The following SDK1 variants were observed in gnomAD, a reference collection of about 807,000 sequenced individuals.
SDK1 encodes the protein protein sidekick-1.
A neutral mutation model predicts 245.5 loss-of-function variants in SDK1; 157 were observed. The observed-to-expected ratio is 0.64, with a 90% CI of 0.56 to 0.73. The LOEUF (loss-of-function observed/expected upper bound fraction) is 0.73. Among genes scored for constraint, SDK1 ranks in the 30% least tolerant of loss-of-function variants. The pLI, the probability that SDK1 is intolerant of heterozygous loss-of-function variation, is 0.00. For synonymous variants in SDK1, 1,647 were observed against 1,278.5 expected (o/e 1.29, Z -6.15); for missense variants, 3,583 against 3,002.3 (o/e 1.19, Z -4.52).
chr7:3,951,337 C>T (rs559208807), intron 6 of SDK1, among the ~76,000 whole-genome samples: 3 of 152,268 alleles, frequency 2.0e-5, no homozygotes, highest in African/African-American at 4.8e-5. Flanking sequence ...GTTCATTGCT[C>T]TTCTCCTCTT....
chr7:3,914,403 A>T (rs903149212), intron 5 of SDK1, among the ~76,000 whole-genome samples: 1 of 152,268 alleles, frequency 6.6e-6, no homozygotes, highest in East Asian at 1.9e-4. Flanking sequence ...ACATGTGCAC[A>T]TATAGAGAGA....
chr7:4,073,223 T>C (rs28734472), intron 20 of SDK1, among the ~76,000 whole-genome samples: 24,731 of 152,060 alleles, frequency 0.16, 4,746 homozygotes, highest in African/African-American at 0.47. Flanking sequence ...CAGCACTGCC[T>C]GAGCCCTCCA....
At chr7:3,580,412 C>T (rs796508915) in intron 1 of SDK1, among the ~76,000 whole-genome samples, 50 of 152,240 alleles carry the variant, frequency 3.3e-4, no homozygotes, top group African/African-American at 1.1e-3. Context: ...GCTACAGTAA[C>T]CAGAACAGTA....
At chr7:3,791,084 A>G (rs1036237906) in intron 4 of SDK1, among the ~76,000 whole-genome samples, 4 of 152,206 alleles carry the variant, frequency 2.6e-5, no homozygotes, top group African/African-American at 7.2e-5. Flanking sequence ...GGGAGTGACA[A>G]AAATTATTTA....
intron 5 of SDK1, among the ~76,000 whole-genome samples, chr7:3,880,225 C>CA (rs1168828949): frequency 2.0e-5 from 3 of 152,166 alleles, no homozygotes; most frequent in African/African-American, 7.2e-5. Context: ...TCATTGCTGA[C>CA]AAAAATGATT....
At chr7:4,223,345 A>T (rs1785246319) in intron 40 of SDK1, among the ~76,000 whole-genome samples, 1 of 152,244 alleles carries the variant, frequency 6.6e-6, no homozygotes, top group East Asian at 1.9e-4. Context: ...TGCCTTAGCA[A>T]AGTCCCACAA....
intron 2 of SDK1, among the ~76,000 whole-genome samples, chr7:3,620,168 C>T (rs754427506): frequency 3.9e-5 from 6 of 152,150 alleles, no homozygotes; most frequent in African/African-American, 7.2e-5. Context: ...CACTCACTCT[C>T]TTTACCTCTG....
At chr7:3,783,192 A>T (rs1378061061) in intron 4 of SDK1, among the ~76,000 whole-genome samples, 1 of 152,248 alleles carries the variant, frequency 6.6e-6, no homozygotes, top group Non-Finnish European at 1.5e-5. Flanking sequence ...TTCTCGGCAA[A>T]TTAGTTGTAG....
At chr7:3,381,157 G>A (rs1781478083) in intron 1 of SDK1, among the ~76,000 whole-genome samples, 1 of 152,138 alleles carries the variant, frequency 6.6e-6, no homozygotes, top group Non-Finnish European at 1.5e-5. Context: ...GGGACTGAAA[G>A]GAAGTTTAGT....
intron 1 of SDK1, among the ~76,000 whole-genome samples, chr7:3,584,593 G>C (rs191330541): frequency 7.6e-4 from 115 of 152,238 alleles, no homozygotes; most frequent in African/African-American, 2.6e-3. Flanking sequence ...GTTGTTCCAC[G>C]GACTGCTCCA....
intron 19 of SDK1, among the ~76,000 whole-genome samples, chr7:4,067,422 C>G (rs1434165783): frequency 3.3e-5 from 5 of 152,158 alleles, no homozygotes; most frequent in Admixed American, 3.3e-4. Flanking sequence ...GCCCAGGGTC[C>G]TTTTCTGGTT....
At chr7:4,185,490 A>G (rs1050245096) in intron 35 of SDK1, among the ~76,000 whole-genome samples, 6 of 151,996 alleles carry the variant, frequency 3.9e-5, no homozygotes, top group Non-Finnish European at 8.8e-5. Flanking sequence ...CTCCTTGAGT[A>G]TGTGCCCCCT....
chr7:3,766,655 G>C (rs951319835), intron 4 of SDK1, among the ~76,000 whole-genome samples: 5 of 152,100 alleles, frequency 3.3e-5, no homozygotes, highest in African/African-American at 1.2e-4. Context: ...ATAGCTTTTG[G>C]TTATTATGGG....
In SDK1 at chr7:3,301,848, G is replaced by T; in HGVS notation, c.262G>T (p.Ala88Ser). ...PGRRGWWALL[A>S]LQLHLLRALA... ...CCGCCGCGGCTGGTGGGCGCTGCTG[G>T]CGCTGCAGCTGCACTTGCTCCGGGC... Residue 88 changes from alanine (A) to serine (S), a missense_variant, in exon 1 of 45, where the codon GCG (alanine) becomes TCG (serine). Physicochemically the swap from Ala to Ser is moderately conservative, Grantham distance 99. Coordinates refer to ENST00000404826, the MANE Select transcript of SDK1 (RefSeq NM_152744.4). The T allele has an allele frequency of 2.6e-6, 3 of 1,134,432 alleles. No individual in the cohort carries two copies. The highest frequency in any genetic ancestry group is 8.5e-5 in the South Asian group (2 of 23,542). The allele number at this position is 1,134,432 out of a possible 1,614,324, so 70.3% of individuals were successfully genotyped here.
chr7:3,366,828 G>T (rs1781105512), intron 1 of SDK1, among the ~76,000 whole-genome samples: 1 of 152,002 alleles, frequency 6.6e-6, no homozygotes, highest in African/African-American at 2.4e-5. Context: ...TGCAACCTCT[G>T]CCTCCTGGGT....
At chr7:4,119,979 C>G (rs2128193948) in intron 25 of SDK1, among the ~76,000 whole-genome samples, 1 of 148,934 alleles carries the variant, frequency 6.7e-6, no homozygotes, top group African/African-American at 2.4e-5. Flanking sequence ...TTTCTTAAAG[C>G]AGATTTGTTT....
chr7:3,563,993 C>T (rs1779827973), intron 1 of SDK1, among the ~76,000 whole-genome samples: 1 of 152,090 alleles, frequency 6.6e-6, no homozygotes. Flanking sequence ...ATATTTAGAA[C>T]TGAAAGACAG....
At chr7:3,598,217 C>A (rs1781130711) in intron 1 of SDK1, among the ~76,000 whole-genome samples, 1 of 152,034 alleles carries the variant, frequency 6.6e-6, no homozygotes, top group Non-Finnish European at 1.5e-5. Flanking sequence ...CATGTTCAAG[C>A]CTTTTGCTCA....
chr7:3,873,237 T>A (rs1301598281), intron 5 of SDK1, among the ~76,000 whole-genome samples: 1 of 152,164 alleles, frequency 6.6e-6, no homozygotes, highest in African/African-American at 2.4e-5. Flanking sequence ...TTGAGATGTT[T>A]TTCTTTAAAC....
Sources: gnomAD v4.1 joint callset for allele counts (sites outside exome capture counted in the v4.1 genomes callset) on GRCh38, gnomAD v4.1.1 for gene constraint, MANE v1.5 for transcripts, NCBI Gene and HGNC (gene_info 2026-07-23, HGNC 2026-07-21) for gene names.